Variants in TMEM131L observed in about 807,000 individuals in gnomAD.
The protein encoded by TMEM131L is transmembrane 131 like.
TMEM131L carries 54 observed loss-of-function variants against 192.2 expected under a neutral mutation model. The ratio of observed to expected loss-of-function variants is 0.28; its 90% CI spans 0.23 to 0.35. The LOEUF is 0.35. TMEM131L is among the 10% of genes least tolerant of loss of function. TMEM131L has a pLI of 1.00. For missense variants in TMEM131L, 1,888 were observed against 1,972.9 expected, an observed-to-expected ratio of 0.96 and a Z score of 0.82; for synonymous variants, 701 against 704.9, an observed-to-expected ratio of 0.99 and a Z score of 0.09.
In TMEM131L at chr4:153,623,001, CAGCTGGGGG is replaced by C. The variant is rs749242625; in HGVS notation, c.3970_3978del (p.Gly1324_Trp1326del). On this transcript the variant is annotated inframe_deletion, in exon 29 of 35. Coordinates refer to ENST00000409959, the MANE Select transcript of TMEM131L (RefSeq NM_001131007.2). ...CTGGCAGCGTGCGTGCCAGCCGGGG[CAGCTGGGGG>C]AGCTGGAGCAGCACCAGCAGCTCCG... The C allele has an allele frequency of 1.4e-5, 22 of 1,614,180 alleles. 1 individual carries two copies. The South Asian group carries it at 2.4e-4, about 18-fold the overall frequency.
At chr4:153,478,392 A>G (rs1339878622) in intron 3 of TMEM131L, among the ~76,000 whole-genome samples, 1 of 152,220 alleles carries the variant, frequency 6.6e-6, no homozygotes, top group Admixed American at 6.5e-5. Context: ...GCTACTTTGA[A>G]AAGAAAACTT....
intron 3 of TMEM131L, among the ~76,000 whole-genome samples, chr4:153,540,406 C>T (rs1482451226): frequency 6.6e-6 from 1 of 152,204 alleles, no homozygotes; most frequent in Admixed American, 6.5e-5. Flanking sequence ...GCCACCTCTT[C>T]CAAAAGGCAT....
At chr4:153,507,608 C>T (rs769837183) in intron 3 of TMEM131L, among the ~76,000 whole-genome samples, 10 of 152,264 alleles carry the variant, frequency 6.6e-5, no homozygotes, top group East Asian at 1.9e-4. Flanking sequence ...CCTATCAAAC[C>T]GTATTACCCA....
In TMEM131L at chr4:153,583,628, C is replaced by T. The variant is rs773774362; in HGVS notation, c.1016C>T (p.Thr339Ile). The change falls in exon 11 of 35, where the codon ACT (threonine) becomes ATT (isoleucine). Residue 339 changes from threonine (T) to isoleucine (I), a missense_variant. Thr to Ile is a moderately conservative substitution (Grantham distance 89). Coordinates refer to ENST00000409959, the MANE Select transcript of TMEM131L (RefSeq NM_001131007.2). ...SLQFEPVLLP[T>I]STTNFTKIAS... ...CAGTTTGAACCAGTACTACTACCTACTTCTACAACAAACTTTACAAAAATT... is the reference window on the plus strand; with the variant it reads ...CAGTTTGAACCAGTACTACTACCTATTTCTACAACAAACTTTACAAAAATT... The T allele has an allele frequency of 2.5e-6, 4 of 1,609,658 alleles. No individual in the cohort carries two copies. In the East Asian group the frequency reaches 8.9e-5, roughly 36 times the overall value.
At position 153,631,099 on chromosome 4, in the gene TMEM131L, C is replaced by T. The variant is rs190953895; in HGVS notation, c.4208-1619C>T. On this transcript the variant is annotated intron_variant, in intron 31 of 34. Coordinates refer to ENST00000409959, the MANE Select transcript of TMEM131L (RefSeq NM_001131007.2). Reference sequence around the variant, plus strand: ...GCTGTGAGAACCACTTTGGGTTCTGCCCACTGATCAAAATGGTTGTGGTCC... The same window carrying T: ...GCTGTGAGAACCACTTTGGGTTCTGTCCACTGATCAAAATGGTTGTGGTCC... Among the ~76,000 whole-genome samples the T allele has an allele frequency of 7.2e-5, 11 of 152,324 alleles. No individual in the cohort carries two copies. In the East Asian group the frequency reaches 1.2e-3, roughly 16 times the overall value.
At chr4:153,527,051 A>G (rs1481682081) in intron 3 of TMEM131L, among the ~76,000 whole-genome samples, 1 of 152,132 alleles carries the variant, frequency 6.6e-6, no homozygotes, top group African/African-American at 2.4e-5. Context: ...CCCTCCATGA[A>G]AGACTGAAGA....
intron 3 of TMEM131L, among the ~76,000 whole-genome samples, chr4:153,539,135 A>G (rs1483383284): frequency 2.6e-5 from 4 of 152,216 alleles, no homozygotes; most frequent in African/African-American, 9.7e-5. Flanking sequence ...ATTGCTTTTC[A>G]TACAACATAT....
chr4:153,560,283 G>A (rs554532392), intron 7 of TMEM131L, among the ~76,000 whole-genome samples: 7 of 152,226 alleles, frequency 4.6e-5, no homozygotes, highest in Admixed American at 3.9e-4. Context: ...ACCTCACCTG[G>A]GAAGCAGTGG....
At chr4:153,489,416 G>A (rs1288320854) in intron 3 of TMEM131L, among the ~76,000 whole-genome samples, 1 of 152,156 alleles carries the variant, frequency 6.6e-6, no homozygotes, top group Non-Finnish European at 1.5e-5. Context: ...TTATTTCTTT[G>A]TGTATCTGTA....
rs28433646 is a variant in TMEM131L, at chr4:153,586,612, G to A, written c.1482+233G>A. Reference sequence around the variant, plus strand: ...AATTTGAAGTTCTTGAATGAAATAAGGCATGACCAATAGATTAATAGATGT... The same window carrying A: ...AATTTGAAGTTCTTGAATGAAATAAAGCATGACCAATAGATTAATAGATGT... On this transcript the variant is annotated intron_variant, in intron 14 of 34. Transcript: ENST00000409959. Among the ~76,000 whole-genome samples the A allele has an allele frequency of 4.7e-4, 72 of 152,144 alleles. 3 individuals are homozygous for A. The highest frequency in any genetic ancestry group is 1.5e-3 in the African/African-American group (64 of 41,514).
rs188989635 is a variant in TMEM131L, at chr4:153,592,649, T to C, written c.1922+65T>C. 2.3e-4 allele frequency: 241 copies of C among 1,070,628 alleles called. 1 individual carries two copies. The African/African-American group carries it at 3.3e-3, about 15-fold the overall frequency. The allele number at this position is 1,070,628 out of a possible 1,614,324, so 66.3% of individuals were successfully genotyped here. The stretch of plus-strand genomic sequence containing the variant: ...CTTGGGAAGACTTAGAATTACTTAA[T>C]GTCCTACACTTTTTCAACCAGGACC... On this transcript the variant is annotated intron_variant, in intron 18 of 34. Coordinates refer to ENST00000409959, the MANE Select transcript of TMEM131L (RefSeq NM_001131007.2).
intron 26 of TMEM131L, among the ~76,000 whole-genome samples, chr4:153,619,026 T>G (rs1733198799): frequency 6.6e-6 from 1 of 152,186 alleles, no homozygotes; most frequent in Non-Finnish European, 1.5e-5. Flanking sequence ...TTTGTCATAC[T>G]CACGGAGAAC....
chr4:153,498,167 TA>T (rs1397444378), intron 3 of TMEM131L, among the ~76,000 whole-genome samples: 5 of 152,236 alleles, frequency 3.3e-5, no homozygotes, highest in African/African-American at 1.2e-4. Flanking sequence ...CAGCTTGCTT[TA>T]TTCACAAATG....
rs568687824 is a variant in TMEM131L, at chr4:153,536,230, G to A, written c.240-13843G>A. On this transcript the variant is annotated intron_variant, in intron 3 of 34. Coordinates refer to ENST00000409959, the MANE Select transcript of TMEM131L (RefSeq NM_001131007.2). ...GCTGCTGATGGGGCAGAGGGAGTGA[G>A]GGCCTGTGGAGAGGGACTCCTGGGC... Among the ~76,000 whole-genome samples the A allele has an allele frequency of 2.0e-5, 3 of 152,306 alleles. No individual in the cohort carries two copies. The South Asian group carries it at 6.2e-4, about 32-fold the overall frequency.
chr4:153,509,675 C>T (rs531662473), intron 3 of TMEM131L, among the ~76,000 whole-genome samples: 1 of 152,290 alleles, frequency 6.6e-6, no homozygotes, highest in African/African-American at 2.4e-5. Context: ...TGAGATCGTA[C>T]CACTGCACTC....
intron 26 of TMEM131L, among the ~76,000 whole-genome samples, chr4:153,617,230 C>G (rs572093291): frequency 4.6e-5 from 7 of 152,168 alleles, no homozygotes; most frequent in Admixed American, 6.5e-5. Flanking sequence ...CATGTGAGAC[C>G]TGCCTTTCAC....
intron 3 of TMEM131L, among the ~76,000 whole-genome samples, chr4:153,504,158 C>T (rs546372937): frequency 5.5e-4 from 83 of 150,280 alleles, no homozygotes; most frequent in Middle Eastern, 7.0e-3. Context: ...TTAGTAGAGA[C>T]GGGGTTTCAC....
intron 16 of TMEM131L, among the ~76,000 whole-genome samples, chr4:153,590,312 T>A (rs995988082): frequency 1.3e-5 from 2 of 152,232 alleles, no homozygotes; most frequent in Non-Finnish European, 2.9e-5. Flanking sequence ...ATGTTCTGGT[T>A]AAATGTTTCT....
At chr4:153,477,780 C>T (rs1356960488) in intron 3 of TMEM131L, among the ~76,000 whole-genome samples, 1 of 152,134 alleles carries the variant, frequency 6.6e-6, no homozygotes, top group Non-Finnish European at 1.5e-5. Context: ...TCTTTTATCA[C>T]CTACTGGCTT....
Sources: gnomAD v4.1 joint callset for allele counts (sites outside exome capture counted in the v4.1 genomes callset) on GRCh38, gnomAD v4.1.1 for gene constraint, MANE v1.5 for transcripts, NCBI Gene and HGNC (gene_info 2026-07-23, HGNC 2026-07-21) for gene names.